CHAT: variants seen among roughly 807,000 people sequenced by gnomAD.
CHAT encodes choline O-acetyltransferase.
Under a neutral mutation model 76.9 loss-of-function variants are expected in CHAT, and 61 were observed. The observed-to-expected ratio is 0.79, with a 90% CI of 0.65 to 0.98. The LOEUF (loss-of-function observed/expected upper bound fraction) is 0.98, where lower values mean the gene tolerates loss of function less well. Ranked by LOEUF, CHAT falls within the 50% of genes least tolerant of loss-of-function variation. CHAT has a pLI of 0.00. For synonymous variants in CHAT, 407 were observed against 397.4 expected (o/e 1.02, Z -0.29); for missense variants, 946 against 986.9 (o/e 0.96, Z 0.56).
At chr10:49,619,697 C>A (rs760652790) in intron 2 of CHAT, 28 bp from the exon 3 acceptor site, 7 of 1,602,532 alleles carry the variant, frequency 4.4e-6, no homozygotes, top group Non-Finnish European at 5.9e-6. Flanking sequence ...ATACTAGAGG[C>A]ACAATGCCTA....
At chr10:49,641,655 C>T (rs1839484966) in intron 7 of CHAT, among the ~76,000 whole-genome samples, 1 of 152,102 alleles carries the variant, frequency 6.6e-6, no homozygotes, top group African/African-American at 2.4e-5. Flanking sequence ...ACTCCTTCAT[C>T]AGGGGAGGAA....
rs527934257 is a variant in CHAT at position 49,662,479 on chromosome 10, G to A, written c.1840-166G>A. On this transcript the variant is annotated intron_variant, in intron 13 of 14. Transcript: ENST00000337653. ...GGGAGCAGAGGCCGCATGGTAGAGC[G>A]GTCAGTCCTGAGCAGCCACTCATAC... is the stretch of plus-strand genomic sequence containing the variant. Among the ~76,000 whole-genome samples the A allele has an allele frequency of 5.9e-5, 9 of 152,340 alleles. No individual in the cohort carries two copies. In the South Asian group the frequency reaches 6.2e-4, roughly 11 times the overall value.
chr10:49,621,782 A>T (rs4488118), intron 4 of CHAT, among the ~76,000 whole-genome samples: 6 of 151,984 alleles, frequency 3.9e-5, no homozygotes, highest in Non-Finnish European at 5.9e-5. Context: ...CCCAAGAGCT[A>T]CTCGACCCCC....
upstream of CHAT, chr10:49,614,034 G>A (rs1357354038): frequency 3.7e-6 from 5 of 1,351,760 alleles, no homozygotes; most frequent in Non-Finnish European, 5.1e-6. Flanking sequence ...TGCGGTGACT[G>A]GGAAATGCTG....
rs569770944 is a variant in CHAT, at chr10:49,622,861, G to A, written c.752+711G>A. Reference sequence around the variant, plus strand: ...ATGGTTACACAGCCAGGTGGTGGCAGAGCAAGGAGGGGGCAAGGGGCAAAC... The same window carrying A: ...ATGGTTACACAGCCAGGTGGTGGCAAAGCAAGGAGGGGGCAAGGGGCAAAC... On this transcript the variant is annotated intron_variant, in intron 5 of 14. Transcript: ENST00000337653. Among the ~76,000 whole-genome samples, 10 of 152,332 alleles carry A rather than the reference G, an allele frequency of 6.6e-5. No homozygotes were observed. In the South Asian group the frequency reaches 1.2e-3, roughly 19 times the overall value.
chr10:49,640,721 G>A (rs561071593), intron 7 of CHAT, among the ~76,000 whole-genome samples: 4 of 152,256 alleles, frequency 2.6e-5, no homozygotes, highest in Non-Finnish European at 4.4e-5. Flanking sequence ...GCTGGGGGAG[G>A]GAGGGATGAC....
intron 2 of CHAT, among the ~76,000 whole-genome samples, chr10:49,618,405 G>A (rs1389391707): frequency 6.6e-6 from 1 of 152,152 alleles, no homozygotes; most frequent in Non-Finnish European, 1.5e-5. Flanking sequence ...CATTTTACAG[G>A]AGAAGAAACT....
At chr10:49,636,242 T>C (rs1839290825) in intron 7 of CHAT, among the ~76,000 whole-genome samples, 1 of 152,232 alleles carries the variant, frequency 6.6e-6, no homozygotes, top group Non-Finnish European at 1.5e-5. Flanking sequence ...TTTTGTCAAA[T>C]GTTTTTACTG....
rs769204680 is a variant in CHAT at position 49,655,130 on chromosome 10, C to T, written c.1670C>T (p.Ala557Val). The T allele has an allele frequency of 3.1e-6, 5 of 1,614,132 alleles. No homozygotes were observed. The highest frequency in any genetic ancestry group is 1.1e-5 in the South Asian group (1 of 91,076). The change falls in exon 12 of 15, where the codon GCG becomes GTG. Residue 557 changes from alanine to valine, a missense_variant. Physicochemically the swap from Ala to Val is moderately conservative, Grantham distance 64 (BLOSUM62 0). Around this residue, in one of 3 missense-constraint regions of CHAT, gnomAD observed 349 missense variants for 393.9 expected, o/e 0.89. Transcript: ENST00000337653. Reference sequence around the variant, plus strand: ...AGACTGGTGCCCACCTACGAGAGCGCGTCCATCCGCCGATTCCAGGAGGGA... The same window carrying T: ...AGACTGGTGCCCACCTACGAGAGCGTGTCCATCCGCCGATTCCAGGAGGGA... ...HRRLVPTYES[A>V]SIRRFQEGRV...
intron 7 of CHAT, among the ~76,000 whole-genome samples, chr10:49,642,402 T>C (rs1839512283): frequency 6.6e-6 from 1 of 152,242 alleles, no homozygotes. Context: ...CATTTTACCC[T>C]GTCTAATGAG....
intron 1 of CHAT, chr10:49,615,915 C>A: frequency 1.1e-6 from 1 of 909,292 alleles, no homozygotes. Context: ...AGTCTCCCTG[C>A]CCTGGCCACA....
At position 49,646,600 on chromosome 10, in the gene CHAT, A is replaced by G; in HGVS notation, c.1207A>G (p.Arg403Gly). The G allele has an allele frequency of 6.2e-7, 1 of 1,614,234 alleles. No individual in the cohort carries two copies. The highest frequency in any genetic ancestry group is 1.1e-5 in the South Asian group (1 of 91,086). The change falls in exon 8 of 15, where the codon AGG (arginine) becomes GGG (glycine). Residue 403 changes from arginine to glycine, a missense_variant. By Grantham distance (125) the Arg-to-Gly change is moderately radical (BLOSUM62 -2). This residue lies in a region of CHAT where 49 missense variants were observed against 76.7 expected (regional missense o/e 0.64). Transcript: ENST00000337653. ...AGGCGTGGAGCTCAGCGACACCCAC[A>G]GGGCACTCCAGCTCCTTCACGGCGG... is the stretch of plus-strand genomic sequence containing the variant. ...PGGVELSDTH[R>G]ALQLLHGGGY...
At chr10:49,609,282 T>C, upstream of CHAT, 1 of 152,284 alleles carries the variant, frequency 6.6e-6, no homozygotes, top group Non-Finnish European at 1.5e-5. Flanking sequence ...GAAGGGTTTC[T>C]TACAGTTCCA....
intron 1 of CHAT, chr10:49,616,057 G>A (rs376040545): frequency 1.2e-6 from 2 of 1,613,832 alleles, no homozygotes; most frequent in Middle Eastern, 1.6e-4. Flanking sequence ...CCAGAGATGT[G>A]GCCGGAATGC....
At chr10:49,664,261 C>G (rs1468201850) in intron 14 of CHAT, among the ~76,000 whole-genome samples, 1 of 152,096 alleles carries the variant, frequency 6.6e-6, no homozygotes, top group African/African-American at 2.4e-5. Flanking sequence ...TTTGAAACAC[C>G]CAACTCTGGG....
Position 49,619,730 on chromosome 10 carries a change from G to T in CHAT, c.393G>T (p.Leu131=), listed in dbSNP as rs769827861. 67 of 1,610,934 alleles carry T rather than the reference G, an allele frequency of 4.2e-5. No individual in the cohort carries two copies. Among genetic ancestry groups the T allele is most frequent in the Non-Finnish European group, 5.5e-5 (65 of 1,179,944 alleles). The stretch of plus-strand genomic sequence containing the variant: ...CTATGAACCCTTTCTTCCAGGGGCT[G>T]CCCAAACTGCCCGTGCCCCCGCTGC... ...AKTPSSEESG[L]PKLPVPPLQQ... The change falls in exon 3 of 15, where the codon CTG becomes CTT. Residue 131 remains leucine (L), a synonymous_variant. Coordinates refer to ENST00000337653, the MANE Select transcript of CHAT (RefSeq NM_020549.5).
Position 49,616,507 on chromosome 10 carries a change from C to T in CHAT, c.292C>T (p.His98Tyr). Reference protein sequence around the residue: ...EAAEPRRAGPHLCIPAPGLTK... With the variant: ...EAAEPRRAGPYLCIPAPGLTK... ...TCCCACTTCTTGGTCCCCAGGTCCA[C>T]ACCTCTGCATCCCTGCACCAGGACT... The change falls in exon 2 of 15, where the codon CAC (histidine) becomes TAC (tyrosine). Residue 98 changes from histidine (H) to tyrosine (Y), a missense_variant. By Grantham distance (83) the His-to-Tyr change is moderately conservative. Around this residue, in one of 3 missense-constraint regions of CHAT, gnomAD observed 548 missense variants for 516.2 expected, o/e 1.06. Coordinates refer to ENST00000337653, the MANE Select transcript of CHAT (RefSeq NM_020549.5). The T allele has an allele frequency of 3.1e-6, 5 of 1,611,478 alleles. No homozygotes were observed. Among genetic ancestry groups the T allele is most frequent in the Middle Eastern group, 1.7e-4 (1 of 6,058 alleles).
upstream of CHAT, chr10:49,609,176 G>A (rs1029348075): frequency 2.0e-5 from 3 of 152,334 alleles, no homozygotes; most frequent in African/African-American, 7.2e-5. Context: ...GCGCCTCAAG[G>A]GGTGCGGCCC....
In CHAT at chr10:49,616,622, C is replaced by T; in HGVS notation, c.387+20C>T. On this transcript the variant is annotated intron_variant, in intron 2 of 14. Coordinates refer to ENST00000337653, the MANE Select transcript of CHAT (RefSeq NM_020549.5). ...GAGTCTGTGAGTGACTTTTGGAGCC[C>T]TCTCTCAACCCTGCTTTCCCCACCT... The T allele has an allele frequency of 6.6e-7, 1 of 1,518,812 alleles. No homozygotes were observed. The highest frequency in any genetic ancestry group is 9.1e-7 in the Non-Finnish European group (1 of 1,100,682). 94.1% of individuals were successfully genotyped at this position (1,518,812 alleles called of 1,614,324 possible).
Sources: gnomAD v4.1 joint callset for allele counts (sites outside exome capture counted in the v4.1 genomes callset) on GRCh38, gnomAD v4.1.1 for gene constraint, gnomAD v4.1.1 regional missense constraint, MANE v1.5 for transcripts, NCBI Gene and HGNC (gene_info 2026-07-23, HGNC 2026-07-21) for gene names.